The following USP6NL variants were observed in gnomAD, a reference collection of about 807,000 sequenced individuals.
USP6NL encodes USP6 N-terminal like.
In USP6NL, 26 loss-of-function variants were observed where a neutral mutation model predicts 61.9. The observed-to-expected ratio is 0.42, with a 90% CI of 0.31 to 0.58. The LOEUF (loss-of-function observed/expected upper bound fraction) is 0.58, where lower values mean the gene tolerates loss of function less well. USP6NL is among the 20% of genes least tolerant of loss of function. The pLI is 0.16. For missense variants in USP6NL, 1,114 were observed against 1,034.3 expected (o/e 1.08, Z -1.06); for synonymous variants, 432 against 390.1 (o/e 1.11, Z -1.27).
rs1190819331 is a variant in USP6NL at position 11,555,471 on chromosome 10, A to AAG, written c.5-27906_5-27905dup. ...ATATATAGAGAGAGAGAGAGAGAGAAAGAGAGAGAGAGAGAGAGAGAGAAG... is the reference window on the plus strand; with the variant it reads ...ATATATAGAGAGAGAGAGAGAGAGAAAGAGAGAGAGAGAGAGAGAGAGAGAAG... On this transcript the variant is annotated intron_variant, in intron 2 of 14. Transcript: ENST00000609104. Among the ~76,000 whole-genome samples, 368 of 62,010 alleles carry AAG rather than the reference A, an allele frequency of 5.9e-3. 2 individuals carry two copies. Among genetic ancestry groups the AAG allele is most frequent in the Middle Eastern group, 7.5e-3 (1 of 134 alleles). The allele number at this position is 62,010 out of a possible 152,430, so 40.7% of individuals were successfully genotyped here.
intron 2 of USP6NL, among the ~76,000 whole-genome samples, chr10:11,544,184 C>A (rs977613481): frequency 1.1e-4 from 17 of 151,432 alleles, no homozygotes; most frequent in African/African-American, 3.2e-4. Context: ...ACCTTAAACA[C>A]AATGTTCAAT....
rs191118580 is a variant in USP6NL at position 11,592,538 on chromosome 10, A to T, written c.4+5093T>A. Among the ~76,000 whole-genome samples the T allele has an allele frequency of 2.2e-4, 33 of 152,386 alleles. No homozygotes were observed. The highest frequency in any genetic ancestry group is 1.9e-3 in the Admixed American group (29 of 15,310). On this transcript the variant is annotated intron_variant, in intron 2 of 14. Coordinates refer to ENST00000609104, the MANE Select transcript of USP6NL (RefSeq NM_014688.5). This position sits in a 1 kb window ranked among gnomAD's most constrained non-coding sequence, Gnocchi z 4.7. Reference sequence around the variant, plus strand: ...CCAAATCTAAATTTATCAAACATAAATGAGTCTTAATATAACAAAAGGATA... The same window carrying T: ...CCAAATCTAAATTTATCAAACATAATTGAGTCTTAATATAACAAAAGGATA...
chr10:11,460,644 T>TAC lies in USP6NL; in HGVS notation c.*1796_*1797insGT, dbSNP rs2096211057. On this transcript the variant is annotated 3_prime_UTR_variant, in exon 15 of 15. Coordinates refer to ENST00000609104, the MANE Select transcript of USP6NL (RefSeq NM_014688.5). ...TTTTGCATATATATATATATATATA[T>TAC]ATATATATATAAAAATCTACAGTAT... is the stretch of plus-strand genomic sequence containing the variant. 1 of 145,820 alleles carries TAC rather than the reference T, an allele frequency of 6.9e-6. No homozygotes were observed. Among genetic ancestry groups the TAC allele is most frequent in the African/African-American group, 2.5e-5 (1 of 39,656 alleles). The allele number at this position is 145,820 out of a possible 1,614,324, so 9.0% of individuals were successfully genotyped here.
Position 11,555,471 on chromosome 10 carries a change from A to AAAG in USP6NL, c.5-27905_5-27904insCTT, listed in dbSNP as rs1836674478. On this transcript the variant is annotated intron_variant, in intron 2 of 14. Coordinates refer to ENST00000609104, the MANE Select transcript of USP6NL (RefSeq NM_014688.5). ...ATATATAGAGAGAGAGAGAGAGAGA[A>AAAG]AGAGAGAGAGAGAGAGAGAGAGAAG... Among the ~76,000 whole-genome samples, 333 of 61,670 alleles carry AAAG rather than the reference A, an allele frequency of 5.4e-3. 3 individuals carry two copies. The highest frequency in any genetic ancestry group is 6.2e-3 in the Non-Finnish European group (217 of 34,852). The allele number at this position is 61,670 out of a possible 152,430, so 40.5% of individuals were successfully genotyped here.
At position 11,468,756 on chromosome 10, in the gene USP6NL, C is replaced by T. The variant is rs992044779; in HGVS notation, c.1079-4907G>A. Reference sequence around the variant, plus strand: ...GATTTTCATTCTGGAATCCTTTAGCCACAGAGGAGGCACATATCAGTAAAG... The same window carrying T: ...GATTTTCATTCTGGAATCCTTTAGCTACAGAGGAGGCACATATCAGTAAAG... On this transcript the variant is annotated intron_variant, in intron 14 of 14. Coordinates refer to ENST00000609104, the MANE Select transcript of USP6NL (RefSeq NM_014688.5). The surrounding 1 kb of genome is among the most constrained non-coding windows in gnomAD (Gnocchi z 4.5). Among the ~76,000 whole-genome samples the T allele has an allele frequency of 1.3e-5, 2 of 152,126 alleles. No homozygotes were observed. Among genetic ancestry groups the T allele is most frequent in the African/African-American group, 4.8e-5 (2 of 41,408 alleles).
rs55781528 is a variant in USP6NL, at chr10:11,511,828, TAC to T, written c.196-2155_196-2154del. On this transcript the variant is annotated intron_variant, in intron 5 of 14. Transcript: ENST00000609104. The surrounding 1 kb of genome is among the most constrained non-coding windows in gnomAD (Gnocchi z 4.9). ...AAATAAAATAAAATAATATATATTA[TAC>T]ACACACACACACACACACACCCCTT... 0.22 allele frequency among the ~76,000 whole-genome samples: 32,669 copies of T among 149,704 alleles called. 4,077 individuals are homozygous for T. The highest frequency in any genetic ancestry group is 0.58 in the East Asian group (2,946 of 5,102).
At position 11,578,091 on chromosome 10, in the gene USP6NL, C is replaced by G. The variant is rs571186355; in HGVS notation, c.4+19540G>C. Among the ~76,000 whole-genome samples the G allele has an allele frequency of 1.3e-3, 194 of 152,328 alleles. 1 individual carries two copies. Among genetic ancestry groups the G allele is most frequent in the Non-Finnish European group, 1.9e-3 (132 of 68,026 alleles). ...CCTCCCACCTCAGCCTCCCAAGTAGCTGGGACCACCAGCTACTCAGGGTGT... is the reference window on the plus strand; with the variant it reads ...CCTCCCACCTCAGCCTCCCAAGTAGGTGGGACCACCAGCTACTCAGGGTGT... On this transcript the variant is annotated intron_variant, in intron 2 of 14. Coordinates refer to ENST00000609104, the MANE Select transcript of USP6NL (RefSeq NM_014688.5).
chr10:11,469,504 A>T (rs540377632), intron 14 of USP6NL, among the ~76,000 whole-genome samples: 7 of 152,360 alleles, frequency 4.6e-5, no homozygotes, highest in South Asian at 2.1e-4. Context: ...TTCCTAAATG[A>T]TAACCTCTCT....
At position 11,482,096 on chromosome 10, in the gene USP6NL, T is replaced by G. The variant is rs1833223432; in HGVS notation, c.926-174A>C. Among the ~76,000 whole-genome samples, 3 of 152,152 alleles carry G rather than the reference T, an allele frequency of 2.0e-5. No individual in the cohort carries two copies. The highest frequency in any genetic ancestry group is 2.0e-4 in the Admixed American group (3 of 15,280). The stretch of plus-strand genomic sequence containing the variant: ...AACTCAGTAAGACAAAAATATTGCC[T>G]GATATTAAAGCAGCCACAGAGAAAA... On this transcript the variant is annotated intron_variant, in intron 13 of 14. Coordinates refer to ENST00000609104, the MANE Select transcript of USP6NL (RefSeq NM_014688.5). The surrounding 1 kb of genome is among the most constrained non-coding windows in gnomAD (Gnocchi z 4.0).
chr10:11,535,387 G>A (rs566944741), intron 2 of USP6NL, among the ~76,000 whole-genome samples: 1 of 152,322 alleles, frequency 6.6e-6, no homozygotes, highest in South Asian at 2.1e-4. Context: ...GAAACTTAGA[G>A]AATGGATCAA....
intron 1 of USP6NL, among the ~76,000 whole-genome samples, chr10:11,609,492 A>T (rs1838810266): frequency 6.6e-6 from 1 of 152,256 alleles, no homozygotes; most frequent in African/African-American, 2.4e-5. Context: ...AATTGTGAAC[A>T]TAAACCAGAA....
At chr10:11,502,648 G>A (rs971032518) in intron 6 of USP6NL, among the ~76,000 whole-genome samples, 2 of 152,134 alleles carry the variant, frequency 1.3e-5, no homozygotes, top group African/African-American at 4.8e-5. Flanking sequence ...TTACACTACT[G>A]AGACTTTTTT....
intron 2 of USP6NL, among the ~76,000 whole-genome samples, chr10:11,544,581 G>A (rs1836203611): frequency 6.6e-6 from 1 of 152,006 alleles, no homozygotes; most frequent in Non-Finnish European, 1.5e-5. Flanking sequence ...TCATCCTCCT[G>A]GGTTCAAGCA....
At chr10:11,578,893 G>A (rs908927160) in intron 2 of USP6NL, among the ~76,000 whole-genome samples, 1 of 152,174 alleles carries the variant, frequency 6.6e-6, no homozygotes, top group African/African-American at 2.4e-5. Context: ...GCCACATCTC[G>A]TTTATATCAG....
rs1026526507 is a variant in USP6NL, at chr10:11,460,616, ATT to A, written c.*1823_*1824del. On this transcript the variant is annotated 3_prime_UTR_variant, in exon 15 of 15. Transcript: ENST00000609104. ...AAATAGTGCTTGTGTGTATATATATATTTTTTGCATATATATATATATATATA... is the reference window on the plus strand; with the variant it reads ...AAATAGTGCTTGTGTGTATATATATATTTTGCATATATATATATATATATA... The A allele has an allele frequency of 5.6e-5, 7 of 124,062 alleles. No individual in the cohort carries two copies. In the South Asian group the frequency reaches 8.1e-4, roughly 14 times the overall value. The allele number at this position is 124,062 out of a possible 1,614,324, so 7.7% of individuals were successfully genotyped here. A position where few individuals can be genotyped will look rare whatever the true frequency, so the allele number is the denominator to read the frequency against.
intron 4 of USP6NL, among the ~76,000 whole-genome samples, chr10:11,524,040 G>A (rs1348276485): frequency 1.3e-5 from 2 of 152,130 alleles, no homozygotes; most frequent in Non-Finnish European, 2.9e-5. Flanking sequence ...TTCTTGTCAC[G>A]TGCGTAGCCA....
At chr10:11,564,408 T>G (rs1837048024) in intron 2 of USP6NL, 1 of 152,228 alleles carries the variant, frequency 6.6e-6, no homozygotes, top group South Asian at 2.1e-4. Flanking sequence ...ATCCTCTCAG[T>G]AATTAGGTAA....
chr10:11,463,037 A>C lies in USP6NL; in HGVS notation c.1891T>G (p.Ser631Ala). The change falls in exon 15 of 15, where the codon TCC becomes GCC. Residue 631 changes from serine to alanine, a missense_variant. Physicochemically the swap from Ser to Ala is moderately conservative, Grantham distance 99. Transcript: ENST00000609104. The surrounding 1 kb of genome is among the most constrained non-coding windows in gnomAD (Gnocchi z 6.3). ...GEARGLAHPPSYSNPPVYHGN... is the reference protein window; with the variant it reads ...GEARGLAHPPAYSNPPVYHGN... Reference sequence around the variant, plus strand: ...TGGTAAACGGGGGGATTGCTGTAGGAGGGGGGATGAGCTAGCCCTCGGGCT... The same window carrying C: ...TGGTAAACGGGGGGATTGCTGTAGGCGGGGGGATGAGCTAGCCCTCGGGCT... The C allele has an allele frequency of 6.2e-7, 1 of 1,613,822 alleles. No individual in the cohort carries two copies. Among genetic ancestry groups the C allele is most frequent in the Non-Finnish European group, 8.5e-7 (1 of 1,179,848 alleles).
chr10:11,518,290 G>A lies in USP6NL; in HGVS notation c.195+245C>T, dbSNP rs963216428. Among the ~76,000 whole-genome samples, 5 of 152,142 alleles carry A rather than the reference G, an allele frequency of 3.3e-5. No individual in the cohort carries two copies. The highest frequency in any genetic ancestry group is 4.8e-5 in the African/African-American group (2 of 41,426). On this transcript the variant is annotated intron_variant, in intron 5 of 14. Transcript: ENST00000609104. The surrounding 1 kb of genome is among the most constrained non-coding windows in gnomAD (Gnocchi z 5.3). ...TCAAAGCCTCTCTGTTCTGAAGCAC[G>A]CCTAGCTCAGGACCTGCCAGTCTAG...
Sources: allele counts gnomAD v4.1 joint callset (sites outside exome capture counted in the v4.1 genomes callset), GRCh38; gene constraint gnomAD v4.1.1; non-coding constraint Gnocchi (gnomAD v3.1); transcripts MANE v1.5; gene names NCBI Gene and HGNC (gene_info 2026-07-23, HGNC 2026-07-21).